LAT2: variants seen among roughly 807,000 people sequenced by gnomAD.
LAT2 encodes linker for activation of T-cells family member 2.
LAT2 carries 23 observed loss-of-function variants against 43.4 expected under a neutral mutation model. The ratio of observed to expected loss-of-function variants is 0.53; its 90% CI spans 0.38 to 0.75. The LOEUF (loss-of-function observed/expected upper bound fraction) is 0.75. Among genes scored for constraint, LAT2 ranks in the 30% least tolerant of loss-of-function variants. LAT2 has a pLI of 0.00. For synonymous variants in LAT2, 128 were observed against 123.2 expected (o/e 1.04, Z -0.26); for missense variants, 284 against 310.2 (o/e 0.92, Z 0.64).
Position 74,220,772 on chromosome 7 carries a change from TC to T in LAT2, c.332+43del. The T allele has an allele frequency of 7.0e-7, 1 of 1,435,692 alleles. No individual in the cohort carries two copies. Among genetic ancestry groups the T allele is most frequent in the Non-Finnish European group, 9.3e-7 (1 of 1,080,996 alleles). The allele number at this position is 1,435,692 out of a possible 1,614,324, so 88.9% of individuals were successfully genotyped here. On this transcript the variant is annotated intron_variant, in intron 9 of 13. Transcript: ENST00000460943. The surrounding 1 kb of genome is among the most constrained non-coding windows in gnomAD (Gnocchi z 4.5). Reference sequence around the variant, plus strand: ...GATCCTGTCCCCCCTGCCTCGCCTCTCCCCCTGCCCCACCTCTCCCCCTGCC... The same window carrying T: ...GATCCTGTCCCCCCTGCCTCGCCTCTCCCCTGCCCCACCTCTCCCCCTGCC...
rs1033899020 is a variant in LAT2 at position 74,220,759 on chromosome 7, C to A, written c.332+25C>A. ...TGTGAGTGACCTTGATCCTGTCCCC[C>A]CTGCCTCGCCTCTCCCCCTGCCCCA... On this transcript the variant is annotated intron_variant, in intron 9 of 13. Coordinates refer to ENST00000460943, the MANE Select transcript of LAT2 (RefSeq NM_032464.3). The surrounding 1 kb of genome is among the most constrained non-coding windows in gnomAD (Gnocchi z 4.5). 3 of 1,511,106 alleles carry A rather than the reference C, an allele frequency of 2.0e-6. No individual in the cohort carries two copies. The highest frequency in any genetic ancestry group is 2.7e-6 in the Non-Finnish European group (3 of 1,119,530). 93.6% of individuals were successfully genotyped at this position (1,511,106 alleles called of 1,614,324 possible). A position where few individuals can be genotyped will look rare whatever the true frequency, so the allele number is the denominator to read the frequency against.
intron 1 of LAT2, among the ~76,000 whole-genome samples, chr7:74,213,588 C>A (rs1194954364): frequency 6.6e-6 from 1 of 151,926 alleles, no homozygotes; most frequent in Non-Finnish European, 1.5e-5. Flanking sequence ...CCACACCCGG[C>A]TAATTTTTGT....
At chr7:74,219,820 G>A in intron 5 of LAT2, 33 bp downstream of exon 5, 1 of 1,613,742 alleles carries the variant, frequency 6.2e-7, no homozygotes, top group South Asian at 1.1e-5. Context: ...GTTGGGCTCT[G>A]GGTTGGGGGT....
chr7:74,227,864 C>T (rs112234397), intron 13 of LAT2, among the ~76,000 whole-genome samples: 4,771 of 150,118 alleles, frequency 0.032, 244 homozygotes, highest in African/African-American at 0.11. Context: ...CAGAGCAAGA[C>T]GCTGTCTCAA....
intron 13 of LAT2, among the ~76,000 whole-genome samples, chr7:74,227,840 T>C (rs1412322779): frequency 6.6e-6 from 1 of 151,974 alleles, no homozygotes; most frequent in Non-Finnish European, 1.5e-5. Flanking sequence ...ACCACTGCAC[T>C]CCAGCCTGGG....
In LAT2 at chr7:74,224,704, G is replaced by A. The variant is rs1554715836; in HGVS notation, c.694G>A (p.Asp232Asn). The A allele has an allele frequency of 6.2e-7, 1 of 1,606,918 alleles. No individual in the cohort carries two copies. Among genetic ancestry groups the A allele is most frequent in the African/African-American group, 1.3e-5 (1 of 74,972 alleles). ...CCCAGACGAGGAGGACGGGGAACCG[G>A]ATTACGTGAATGGGGAGGTGGCAGC... Reference protein sequence around the residue: ...GSPDEEDGEPDYVNGEVAATE... With the variant: ...GSPDEEDGEPNYVNGEVAATE... The change falls in exon 13 of 14, where the codon GAT becomes AAT. Residue 232 changes from aspartate to asparagine, a missense_variant. Asp to Asn is a conservative substitution (Grantham distance 23). Coordinates refer to ENST00000460943, the MANE Select transcript of LAT2 (RefSeq NM_032464.3).
chr7:74,223,241 C>T (rs191264364), intron 10 of LAT2, among the ~76,000 whole-genome samples: 7 of 152,314 alleles, frequency 4.6e-5, no homozygotes, highest in East Asian at 3.9e-4. Context: ...CAGTGACTCA[C>T]GCCTGTAATC....
chr7:74,224,876 C>T (rs1433676295), intron 13 of LAT2, 116 bp downstream of exon 13: 19 of 740,606 alleles, frequency 2.6e-5, no homozygotes, highest in Non-Finnish European at 4.1e-5. Context: ...ATGGTGGGGG[C>T]TACAGGGTGC....
intron 3 of LAT2, among the ~76,000 whole-genome samples, chr7:74,216,299 G>C (rs1393025413): frequency 6.6e-6 from 1 of 152,256 alleles, no homozygotes; most frequent in East Asian, 1.9e-4. Context: ...CCCCAGACGA[G>C]GGAGGGGAGG....
At chr7:74,217,024 T>TC (rs1802070945) in intron 4 of LAT2, among the ~76,000 whole-genome samples, 160 bp downstream of exon 4, 2 of 152,060 alleles carry the variant, frequency 1.3e-5, no homozygotes, top group African/African-American at 4.8e-5. Context: ...AGAGAAAGTG[T>TC]CCAGGGGCTG....
rs1554714970 is a variant in LAT2, at chr7:74,220,281, A to G, written c.265+27A>G. ...TGAGTGGCACAGGGCAGGGACAGGG[A>G]CAGGCCTAGCCAAGCTGGGACTAAG... On this transcript the variant is annotated intron_variant, in intron 7 of 13. Transcript: ENST00000460943. The surrounding 1 kb of genome is among the most constrained non-coding windows in gnomAD (Gnocchi z 4.5). 1 of 1,605,468 alleles carries G rather than the reference A, an allele frequency of 6.2e-7. No homozygotes were observed. Among genetic ancestry groups the G allele is most frequent in the South Asian group, 1.1e-5 (1 of 90,316 alleles).
chr7:74,228,248 G>A (rs1554716407), intron 13 of LAT2, among the ~76,000 whole-genome samples: 2 of 148,520 alleles, frequency 1.3e-5, no homozygotes, highest in African/African-American at 2.5e-5. Flanking sequence ...AGGCTGAGGC[G>A]GGCGGATCAC....
At chr7:74,216,137 GC>G in intron 3 of LAT2, 68 bp downstream of exon 3, 1 of 1,333,134 alleles carries the variant, frequency 7.5e-7, no homozygotes, top group Non-Finnish European at 1.0e-6. Context: ...GCCCTCTCAG[GC>G]CCAGACGTGG....
chr7:74,224,186 G>C lies in LAT2; in HGVS notation c.617G>C (p.Arg206Thr), dbSNP rs564865753. ...SASIHQWRES[R>T]KVMGQLQREA... ...TCCATCCATCAGTGGCGCGAGTCCA[G>C]GAAGGTCATGGGTAGGTGGCCGGGA... The change falls in exon 12 of 14, where the codon AGG becomes ACG. Residue 206 changes from arginine (R) to threonine (T), a missense_variant. By Grantham distance (71) the Arg-to-Thr change is moderately conservative. Transcript: ENST00000460943. 7 of 1,613,538 alleles carry C rather than the reference G, an allele frequency of 4.3e-6. No homozygotes were observed. In the East Asian group the frequency reaches 1.3e-4, roughly 31 times the overall value.
rs1197199650 is a variant in LAT2, at chr7:74,214,295, AAT to A, written c.-218-517_-218-516del. Among the ~76,000 whole-genome samples, 12 of 61,506 alleles carry A rather than the reference AAT, an allele frequency of 2.0e-4. 1 individual carries two copies. The highest frequency in any genetic ancestry group is 5.5e-4 in the South Asian group (1 of 1,832). The allele number at this position is 61,506 out of a possible 152,430, so 40.4% of individuals were successfully genotyped here. On this transcript the variant is annotated intron_variant, in intron 1 of 13. Transcript: ENST00000460943. ...ATATATATATAAATATATATATGAAAATATATATATAAATATATATATGAAAA... is the reference window on the plus strand; with the variant it reads ...ATATATATATAAATATATATATGAAAATATATATAAATATATATATGAAAA...
At chr7:74,214,040 GTATATATATATATATATGAAAAAATA>G (rs1801838062) in intron 1 of LAT2, among the ~76,000 whole-genome samples, 2 of 106,336 alleles carry the variant, frequency 1.9e-5, no homozygotes, top group African/African-American at 8.3e-5. Flanking sequence ...CCATATATAT[GTATATATATATATATATGAAAAAATA>G]TATATAAATA....
intron 9 of LAT2, among the ~76,000 whole-genome samples, chr7:74,221,286 G>A (rs1328884569): frequency 1.1e-4 from 17 of 151,722 alleles, no homozygotes; most frequent in Admixed American, 9.9e-4. Context: ...ATGGTGGTGC[G>A]TGCCTGTAAT....
intron 13 of LAT2, among the ~76,000 whole-genome samples, chr7:74,227,112 G>C (rs1802520842): frequency 6.6e-6 from 1 of 151,352 alleles, no homozygotes; most frequent in Non-Finnish European, 1.5e-5. Flanking sequence ...TGCAATCTTG[G>C]CTCACTGCAA....
chr7:74,213,959 T>A (rs1801832837), intron 1 of LAT2, among the ~76,000 whole-genome samples: 1 of 148,946 alleles, frequency 6.7e-6, no homozygotes, highest in Admixed American at 6.9e-5. Flanking sequence ...TCCTTATTAT[T>A]ATTTTTTGAA....
Sources: allele counts gnomAD v4.1 joint callset (sites outside exome capture counted in the v4.1 genomes callset), GRCh38; gene constraint gnomAD v4.1.1; non-coding constraint Gnocchi (gnomAD v3.1); transcripts MANE v1.5; gene names NCBI Gene and HGNC (gene_info 2026-07-23, HGNC 2026-07-21).